Variants in COL5A2 observed in about 807,000 individuals in gnomAD.
COL5A2 encodes collagen type V alpha 2 chain, also known as collagen alpha-2(V) chain.
A neutral mutation model predicts 208.2 loss-of-function variants in COL5A2; 23 were observed. The observed-to-expected ratio is 0.11, with a 90% CI of 0.08 to 0.16. COL5A2 has a LOEUF of 0.16. Among genes scored for constraint, COL5A2 ranks in the 10% least tolerant of loss-of-function variants. COL5A2 has a pLI of 1.00. For synonymous variants in COL5A2, 625 were observed against 628.5 expected, an observed-to-expected ratio of 0.99 and a Z score of 0.08; for missense variants, 1,590 against 1,956.4, an observed-to-expected ratio of 0.81 and a Z score of 3.53.
At chr2:189,066,606 ATGAGATATTT>A in intron 22 of COL5A2, 109 bp from the exon 23 acceptor site, 1 of 1,351,394 alleles carries the variant, frequency 7.4e-7, no homozygotes, top group Non-Finnish European at 1.1e-6. Flanking sequence ...ATATGGAACA[ATGAGATATTT>A]TCATCTCAAG....
At chr2:189,425,691 T>A in the COL5A2 span, among the ~76,000 whole-genome samples, 1 of 152,196 alleles carries the variant, frequency 6.6e-6, no homozygotes, top group Non-Finnish European at 1.5e-5. Context: ...TGGGGCCTTG[T>A]GGAAGGTGCT....
the COL5A2 span, among the ~76,000 whole-genome samples, chr2:189,289,359 AAAAAG>A: frequency 1.3e-5 from 2 of 152,100 alleles, no homozygotes; most frequent in African/African-American, 2.4e-5. Context: ...GAAAAAAGAA[AAAAAG>A]AAAAGAAAAG....
intron 12 of COL5A2, 83 bp from the exon 13 acceptor site, chr2:189,081,126 A>G: frequency 9.2e-7 from 1 of 1,087,974 alleles, no homozygotes; most frequent in Admixed American, 1.7e-5. Context: ...TTCCCAAAAA[A>G]TAGCTAGTAC....
the COL5A2 span, among the ~76,000 whole-genome samples, chr2:189,341,637 A>G: frequency 6.6e-6 from 1 of 152,170 alleles, no homozygotes; most frequent in Admixed American, 6.5e-5. Context: ...GCTGGTTTCT[A>G]GTGCAGCACT....
chr2:189,101,159 G>A (rs2105692507), intron 3 of COL5A2, among the ~76,000 whole-genome samples: 1 of 151,936 alleles, frequency 6.6e-6, no homozygotes, highest in East Asian at 1.9e-4. Context: ...TTTTTACTGG[G>A]CAATTGTGTA....
chr2:189,382,689 G>C, the COL5A2 span, among the ~76,000 whole-genome samples: 1 of 152,236 alleles, frequency 6.6e-6, no homozygotes, highest in Non-Finnish European at 1.5e-5. Flanking sequence ...TCTGGGAAAA[G>C]AGTCAGCAAA....
At chr2:189,097,461 G>C in intron 5 of COL5A2, 131 bp from the exon 6 acceptor site, 1 of 936,584 alleles carries the variant, frequency 1.1e-6, no homozygotes, top group Non-Finnish European at 1.7e-6. Flanking sequence ...GAAGACTATA[G>C]AGAATAAAGC....
upstream of COL5A2, among the ~76,000 whole-genome samples, chr2:189,184,037 C>T (rs1688816089): frequency 6.6e-6 from 1 of 152,132 alleles, no homozygotes; most frequent in South Asian, 2.1e-4. Context: ...CTGTGAACAA[C>T]ACAGACAAGG....
the COL5A2 span, among the ~76,000 whole-genome samples, chr2:189,236,910 TTGTG>T: frequency 6.6e-6 from 1 of 151,886 alleles, no homozygotes; most frequent in African/African-American, 2.4e-5. Flanking sequence ...AGTTAGCAAT[TTGTG>T]TATCTTGTTT....
At chr2:189,274,756 C>A in the COL5A2 span, among the ~76,000 whole-genome samples, 7 of 151,214 alleles carry the variant, frequency 4.6e-5, no homozygotes, top group African/African-American at 7.3e-5. Flanking sequence ...CAAAAAAAAA[C>A]AAATATTGAA....
chr2:189,239,922 C>G, the COL5A2 span, among the ~76,000 whole-genome samples: 1 of 152,010 alleles, frequency 6.6e-6, no homozygotes, highest in Non-Finnish European at 1.5e-5. Flanking sequence ...TTGATTTTAG[C>G]CAGATAAGAC....
At chr2:189,109,965 C>T (rs1687228086) in intron 2 of COL5A2, among the ~76,000 whole-genome samples, 1 of 152,138 alleles carries the variant, frequency 6.6e-6, no homozygotes, top group Admixed American at 6.5e-5. Context: ...TTAAGTGATT[C>T]AAGAAATTCT....
intron 1 of COL5A2, among the ~76,000 whole-genome samples, chr2:189,197,387 A>C (rs771130001): frequency 6.6e-6 from 1 of 152,180 alleles, no homozygotes; most frequent in Non-Finnish European, 1.5e-5. Flanking sequence ...CCACCATGGC[A>C]CACATATACT....
chr2:189,277,647 C>T, the COL5A2 span, among the ~76,000 whole-genome samples: 8 of 152,054 alleles, frequency 5.3e-5, no homozygotes, highest in Admixed American at 5.2e-4. Context: ...CAGGATTCTA[C>T]GGACACACAA....
At chr2:189,273,398 T>C in the COL5A2 span, among the ~76,000 whole-genome samples, 1 of 152,116 alleles carries the variant, frequency 6.6e-6, no homozygotes, top group Non-Finnish European at 1.5e-5. Flanking sequence ...GGTACACTGT[T>C]GGTAAAAATG....
At chr2:189,374,965 C>A in the COL5A2 span, among the ~76,000 whole-genome samples, 1 of 151,752 alleles carries the variant, frequency 6.6e-6, no homozygotes, top group Non-Finnish European at 1.5e-5. Context: ...TCAAAATATG[C>A]CCTCATAATG....
intron 12 of COL5A2, among the ~76,000 whole-genome samples, chr2:189,083,334 GGTGGAGTA>G (rs1359380593): frequency 1.1e-4 from 16 of 152,174 alleles, no homozygotes; most frequent in Admixed American, 2.0e-4. Flanking sequence ...CTTGGATTCT[GGTGGAGTA>G]GTTGCCAGGA....
At chr2:189,113,829 G>A (rs1056543462) in intron 1 of COL5A2, among the ~76,000 whole-genome samples, 1 of 151,626 alleles carries the variant, frequency 6.6e-6, no homozygotes, top group Non-Finnish European at 1.5e-5. Flanking sequence ...AAGATGACAC[G>A]TAATGATGTC....
the COL5A2 span, among the ~76,000 whole-genome samples, chr2:189,308,874 A>G: frequency 6.6e-6 from 1 of 152,166 alleles, no homozygotes; most frequent in Non-Finnish European, 1.5e-5. Context: ...AAACCAAGCT[A>G]TAGCCTGACC....
Sources: gnomAD v4.1 joint callset for allele counts (sites outside exome capture counted in the v4.1 genomes callset) on GRCh38, gnomAD v4.1.1 for gene constraint, MANE v1.5 for transcripts, NCBI Gene and HGNC (gene_info 2026-07-23, HGNC 2026-07-21) for gene names.